KAZN: variants seen among roughly 807,000 people sequenced by gnomAD.
KAZN encodes kazrin, periplakin interacting protein, also known as kazrin.
In KAZN, 40 loss-of-function variants were observed where a neutral mutation model predicts 87.4. The ratio of observed to expected loss-of-function variants is 0.46; its 90% CI spans 0.36 to 0.60. KAZN has a LOEUF of 0.60. KAZN is among the 20% of genes least tolerant of loss of function. The pLI is 0.00. For missense variants in KAZN, 898 were observed against 1,073.9 expected (o/e 0.84, Z 2.29); for synonymous variants, 466 against 458.3 (o/e 1.02, Z -0.22).
At chr1:14,417,854 G>T (rs1358686235) in intron 2 of KAZN, among the ~76,000 whole-genome samples, 1 of 151,522 alleles carries the variant, frequency 6.6e-6, no homozygotes, top group Non-Finnish European at 1.5e-5. Flanking sequence ...AAATTAGCCG[G>T]GCGTGGTGGC....
At chr1:14,695,057 C>T (rs1420984144) in intron 1 of KAZN, among the ~76,000 whole-genome samples, 4 of 152,162 alleles carry the variant, frequency 2.6e-5, no homozygotes, top group Admixed American at 2.0e-4. Context: ...CAAGATGAAG[C>T]TTAATTGGAT....
At chr1:13,957,510 G>A (rs1437634322) in intron 1 of KAZN, among the ~76,000 whole-genome samples, 1 of 152,164 alleles carries the variant, frequency 6.6e-6, no homozygotes, top group African/African-American at 2.4e-5. Context: ...GAATATGTGA[G>A]GCTGGGTAAT....
chr1:14,496,310 T>C (rs993264444), intron 2 of KAZN, among the ~76,000 whole-genome samples: 4 of 152,176 alleles, frequency 2.6e-5, no homozygotes, highest in Admixed American at 1.3e-4. Context: ...AAACAAGGAA[T>C]GTTTGAAATA....
intron 2 of KAZN, among the ~76,000 whole-genome samples, chr1:14,327,234 A>G (rs1328826404): frequency 3.3e-5 from 5 of 152,140 alleles, no homozygotes; most frequent in Admixed American, 2.0e-4. Context: ...ATACAATGTC[A>G]CCGTCACTGA....
chr1:14,018,722 T>C (rs1188705171), intron 1 of KAZN, among the ~76,000 whole-genome samples: 2 of 152,202 alleles, frequency 1.3e-5, no homozygotes, highest in Non-Finnish European at 2.9e-5. Flanking sequence ...CCTGAAGCTG[T>C]GCTTCTTCCA....
At chr1:15,063,871 A>C in intron 7 of KAZN, among the ~76,000 whole-genome samples, 1 of 133,986 alleles carries the variant, frequency 7.5e-6, no homozygotes, top group South Asian at 2.2e-4. Flanking sequence ...CTGAGCCCAC[A>C]TCCATGCCGC....
At chr1:15,034,617 G>C in intron 2 of KAZN, 132 bp from the exon 3 acceptor site, 1 of 1,104,310 alleles carries the variant, frequency 9.1e-7, no homozygotes, top group Non-Finnish European at 1.3e-6. Flanking sequence ...ACATGGAAGG[G>C]ACATTTCGTC....
At chr1:14,072,487 A>G (rs116385244) in intron 1 of KAZN, among the ~76,000 whole-genome samples, 1,643 of 151,710 alleles carry the variant, frequency 0.011, 26 homozygotes, top group South Asian at 0.067. Flanking sequence ...CCTCTCCAAC[A>G]CTCTGTGCCT....
At chr1:13,928,251 T>A (rs1640361466) in intron 1 of KAZN, among the ~76,000 whole-genome samples, 2 of 152,204 alleles carry the variant, frequency 1.3e-5, no homozygotes, top group African/African-American at 2.4e-5. Flanking sequence ...TGGGTGGAGA[T>A]CCCGTTGTGT....
At chr1:14,342,044 C>T (rs1039855965) in intron 2 of KAZN, among the ~76,000 whole-genome samples, 1 of 152,172 alleles carries the variant, frequency 6.6e-6, no homozygotes, top group Non-Finnish European at 1.5e-5. Flanking sequence ...CGTGCGTTCT[C>T]ATCATTTAGC....
At chr1:14,410,085 A>C (rs539008422) in intron 2 of KAZN, among the ~76,000 whole-genome samples, 1 of 152,334 alleles carries the variant, frequency 6.6e-6, no homozygotes, top group Non-Finnish European at 1.5e-5. Context: ...ACAGAACAGA[A>C]TATTAATTGG....
At chr1:15,113,550 A>G in intron 14 of KAZN, 1 of 152,242 alleles carries the variant, frequency 6.6e-6, no homozygotes, top group African/African-American at 2.4e-5. Context: ...GTGTGCAGTA[A>G]GAGAGAAGTA....
At chr1:14,924,212 A>C in intron 1 of KAZN, 1 of 978,882 alleles carries the variant, frequency 1.0e-6, no homozygotes, top group Non-Finnish European at 1.2e-6. Context: ...CCGGACTGAG[A>C]GCCCTGGTCC....
At chr1:13,934,405 C>T (rs1271064713) in intron 1 of KAZN, among the ~76,000 whole-genome samples, 1 of 152,186 alleles carries the variant, frequency 6.6e-6, no homozygotes, top group Non-Finnish European at 1.5e-5. Context: ...TCTCTAGAGG[C>T]AAATCCTTAC....
At chr1:14,125,593 G>T (rs1644846661) in intron 1 of KAZN, among the ~76,000 whole-genome samples, 1 of 152,126 alleles carries the variant, frequency 6.6e-6, no homozygotes, top group Non-Finnish European at 1.5e-5. Context: ...AGCTGGGAGG[G>T]TCAAGGGACT....
At position 14,778,400 on chromosome 1, in the gene KAZN, A is replaced by C. The variant is rs994284907; in HGVS notation, c.226+179177A>C. On this transcript the variant is annotated intron_variant, in intron 1 of 14. Transcript: ENST00000376030. ...TTTCTGTTTAACCCTTAAGAAAAAA[A>C]AAAAAAAAAAAAACCCACATCCAAT... Among the ~76,000 whole-genome samples, 6 of 152,044 alleles carry C rather than the reference A, an allele frequency of 3.9e-5. No homozygotes were observed. The East Asian group carries it at 1.2e-3, about 29-fold the overall frequency.
intron 2 of KAZN, among the ~76,000 whole-genome samples, chr1:14,305,292 A>G (rs1268366223): frequency 6.6e-6 from 1 of 152,168 alleles, no homozygotes; most frequent in Non-Finnish European, 1.5e-5. Flanking sequence ...ACCCTACAGA[A>G]GCAGATTATA....
At chr1:14,493,597 G>A (rs1178728086) in intron 2 of KAZN, among the ~76,000 whole-genome samples, 1 of 152,112 alleles carries the variant, frequency 6.6e-6, no homozygotes, top group Admixed American at 6.5e-5. Flanking sequence ...TATAATTTGA[G>A]TTTTGCCAGA....
chr1:14,827,178 C>G (rs1262289865), intron 1 of KAZN, among the ~76,000 whole-genome samples: 1 of 152,190 alleles, frequency 6.6e-6, no homozygotes, highest in Non-Finnish European at 1.5e-5. Context: ...AGGGACCCAA[C>G]CCAGTAGTGA....
Sources: gnomAD v4.1 joint callset for allele counts (sites outside exome capture counted in the v4.1 genomes callset) on GRCh38, gnomAD v4.1.1 for gene constraint, MANE v1.5 for transcripts, NCBI Gene and HGNC (gene_info 2026-07-23, HGNC 2026-07-21) for gene names.